MYO1F: variants seen among roughly 807,000 people sequenced by gnomAD.
MYO1F encodes myosin IF.
MYO1F carries 60 observed loss-of-function variants against 146.6 expected under a neutral mutation model. That is an observed-to-expected ratio of 0.41 (90% CI 0.33 to 0.51). The LOEUF (loss-of-function observed/expected upper bound fraction) is 0.51, where lower values mean the gene tolerates loss of function less well. MYO1F is among the 20% of genes least tolerant of loss of function. MYO1F has a pLI of 0.25. For missense variants in MYO1F, 1,274 were observed against 1,534.3 expected (o/e 0.83, Z 2.83); for synonymous variants, 602 against 602.1 (o/e 1.00, Z 0.00).
chr19:8,537,403 G>A (rs2145857399), intron 16 of MYO1F, among the ~76,000 whole-genome samples: 1 of 152,190 alleles, frequency 6.6e-6, no homozygotes, highest in Non-Finnish European at 1.5e-5. Context: ...TGTCCTTTGG[G>A]GAGATAGGTA....
intron 10 of MYO1F, 173 bp downstream of exon 10, chr19:8,549,987 T>TG (rs1471263240): frequency 5.6e-6 from 4 of 716,514 alleles, no homozygotes; most frequent in East Asian, 5.4e-5. Context: ...TCTGTAGAGA[T>TG]GGGGGTCTTG....
intron 1 of MYO1F, among the ~76,000 whole-genome samples, chr19:8,572,377 G>C (rs948225101): frequency 2.0e-5 from 3 of 151,764 alleles, no homozygotes; most frequent in African/African-American, 7.3e-5. Flanking sequence ...AAGCGATTCT[G>C]CTGCCTCAGC....
intron 1 of MYO1F, among the ~76,000 whole-genome samples, chr19:8,570,077 A>T (rs1360322529): frequency 1.3e-4 from 18 of 141,106 alleles, no homozygotes; most frequent in Non-Finnish European, 2.3e-4. Context: ...TGGCTAATAC[A>T]TTTTTTTTTT....
chr19:8,526,865 T>G lies in MYO1F; in HGVS notation c.2545A>C (p.Thr849Pro). The change falls in exon 23 of 28, where the codon ACC becomes CCC. Residue 849 changes from threonine (T) to proline (P), a missense_variant. Thr to Pro is a conservative substitution (Grantham distance 38). Around this residue, in one of 2 missense-constraint regions of MYO1F, gnomAD observed 374 missense variants for 379.2 expected, o/e 0.99. Transcript: ENST00000644032. The part of the protein sequence containing the change: ...ADSFLESVFK[T>P]EFVSLLCKRF... ...TTGCACAGAAGGCTGACAAACTCGG[T>G]CTTGAAGACGCTCTCCAGGAAGCTG... The G allele has an allele frequency of 6.2e-7, 1 of 1,613,728 alleles. No homozygotes were observed. Among genetic ancestry groups the G allele is most frequent in the Non-Finnish European group, 8.5e-7 (1 of 1,179,948 alleles).
At chr19:8,568,444 AATT>A (rs2042049008) in intron 1 of MYO1F, among the ~76,000 whole-genome samples, 4 of 150,968 alleles carry the variant, frequency 2.6e-5, no homozygotes, top group African/African-American at 9.7e-5. Context: ...AAAAAAAAAA[AATT>A]AATCACAGGC....
intron 24 of MYO1F, among the ~76,000 whole-genome samples, chr19:8,525,930 G>T (rs1415153338): frequency 6.6e-6 from 1 of 151,916 alleles, no homozygotes; most frequent in Admixed American, 6.6e-5. Context: ...GCCCTCTCTG[G>T]TCCAGCCTGC....
rs757143087 is a variant in MYO1F at position 8,550,198 on chromosome 19, T to G, written c.1063A>C (p.Lys355Gln). ...TCGAAGAGGCGGGCATAGAGCCCCTTGGCCAGGGCATCACGGGTGTAGGCT... is the reference window on the plus strand; with the variant it reads ...TCGAAGAGGCGGGCATAGAGCCCCTGGGCCAGGGCATCACGGGTGTAGGCT... ...QAAYTRDALA[K>Q]GLYARLFDFL... is the part of the protein sequence containing the mutation. The change falls in exon 10 of 28, where the codon AAG becomes CAG. Residue 355 changes from lysine to glutamine, a missense_variant. Transcript: ENST00000644032. 1 of 1,614,168 alleles carries G rather than the reference T, an allele frequency of 6.2e-7. No individual in the cohort carries two copies. The highest frequency in any genetic ancestry group is 1.3e-5 in the African/African-American group (1 of 75,068).
rs143395564 is a variant in MYO1F at position 8,574,523 on chromosome 19, T to G, written c.3+2784A>C. Among the ~76,000 whole-genome samples, 1,243 of 149,578 alleles carry G rather than the reference T, an allele frequency of 8.3e-3. 24 individuals carry two copies. The highest frequency in any genetic ancestry group is 0.029 in the African/African-American group (1,178 of 40,904). ...TTTCTTTCTTTTCCTTTATTTCTTC[T>G]TTTTTCCCTTTCTTTCTTTCTTTCT... On this transcript the variant is annotated intron_variant, in intron 1 of 27. Transcript: ENST00000644032.
intron 14 of MYO1F, 118 bp downstream of exon 14, chr19:8,544,179 C>G: frequency 1.8e-6 from 2 of 1,099,610 alleles, no homozygotes; most frequent in Non-Finnish European, 2.7e-6. Flanking sequence ...ATTCTACAGC[C>G]CTGGATAAGG....
rs1370951736 is a variant in MYO1F at position 8,530,292 on chromosome 19, C to T, written c.2232G>A (p.Leu744=). Residue 744 remains leucine (L), a synonymous_variant, in exon 21 of 28, where the codon CTG becomes CTA. Coordinates refer to ENST00000644032, the MANE Select transcript of MYO1F (RefSeq NM_012335.4). This position sits in a 1 kb window ranked among gnomAD's most constrained non-coding sequence, Gnocchi z 5.8. ...GCAGCTCGGGCCGCTCCTCCAGCCC[C>T]AGGTAGTCCCCGACGAAGTTCCGAT... ...SINRNFVGDY[L]GLEERPELRQ... 1 of 1,614,162 alleles carries T rather than the reference C, an allele frequency of 6.2e-7. No homozygotes were observed. The highest frequency in any genetic ancestry group is 8.5e-7 in the Non-Finnish European group (1 of 1,180,036).
chr19:8,542,736 G>C (rs192527473), intron 14 of MYO1F, among the ~76,000 whole-genome samples: 1 of 152,024 alleles, frequency 6.6e-6, no homozygotes, highest in Non-Finnish European at 1.5e-5. Flanking sequence ...GATGAGCTGG[G>C]ATTACAGGCG....
chr19:8,548,788 G>A (rs1192599374), intron 10 of MYO1F, among the ~76,000 whole-genome samples: 7 of 150,400 alleles, frequency 4.7e-5, no homozygotes, highest in African/African-American at 1.7e-4. Context: ...TTTTAGTAGA[G>A]ACGGGGTTTC....
At chr19:8,557,067 C>T (rs1330250691) in intron 1 of MYO1F, among the ~76,000 whole-genome samples, 2 of 152,014 alleles carry the variant, frequency 1.3e-5, no homozygotes, top group Non-Finnish European at 2.9e-5. Flanking sequence ...GGGAGGACTG[C>T]TTAAGGCCAG....
chr19:8,550,757 C>T, intron 8 of MYO1F, 63 bp from the exon 9 acceptor site: 1 of 1,609,888 alleles, frequency 6.2e-7, no homozygotes, highest in Non-Finnish European at 8.5e-7. Context: ...CCTCCAGGGG[C>T]AGGCTTGAGG....
chr19:8,560,055 C>A (rs1485925115), intron 1 of MYO1F, among the ~76,000 whole-genome samples: 1 of 151,912 alleles, frequency 6.6e-6, no homozygotes, highest in Admixed American at 6.6e-5. Flanking sequence ...CATCATCACA[C>A]CATCTCAGTG....
At chr19:8,552,581 T>TGCAGG (rs1973659757) in intron 6 of MYO1F, among the ~76,000 whole-genome samples, 2 of 152,098 alleles carry the variant, frequency 1.3e-5, no homozygotes, top group South Asian at 4.1e-4. Context: ...GGTATGGAAT[T>TGCAGG]TATTAAACCA....
At chr19:8,550,972 C>G (rs1325491374) in intron 8 of MYO1F, among the ~76,000 whole-genome samples, 1 of 152,018 alleles carries the variant, frequency 6.6e-6, no homozygotes, top group Admixed American at 6.6e-5. Context: ...CCTCCTCATC[C>G]CAGGTTCAAG....
chr19:8,534,177 TAAAA>T (rs376071903), intron 19 of MYO1F, among the ~76,000 whole-genome samples: 1 of 134,158 alleles, frequency 7.5e-6, no homozygotes, highest in South Asian at 2.4e-4. Flanking sequence ...AGACTCTGTC[TAAAA>T]AAAAAAAAAA....
At chr19:8,523,092 C>T (rs1448821563) in intron 25 of MYO1F, among the ~76,000 whole-genome samples, 4 of 149,670 alleles carry the variant, frequency 2.7e-5, no homozygotes, top group South Asian at 2.1e-4. Flanking sequence ...AGTGCAGTGG[C>T]GCGATCTCGG....
Sources: allele counts gnomAD v4.1 joint callset (sites outside exome capture counted in the v4.1 genomes callset), GRCh38; gene constraint gnomAD v4.1.1; regional missense constraint gnomAD v4.1.1; non-coding constraint Gnocchi (gnomAD v3.1); transcripts MANE v1.5; gene names NCBI Gene and HGNC (gene_info 2026-07-23, HGNC 2026-07-21).